MAPRE2: variants seen among roughly 807,000 people sequenced by gnomAD.
The protein encoded by MAPRE2 is microtubule associated protein RP/EB family member 2.
A neutral mutation model predicts 43.2 loss-of-function variants in MAPRE2; 13 were observed. The ratio of observed to expected loss-of-function variants is 0.30; its 90% confidence interval spans 0.20 to 0.48. The LOEUF (loss-of-function observed/expected upper bound fraction) is 0.48. Ranked by LOEUF, MAPRE2 falls within the 20% of genes least tolerant of loss-of-function variation. The pLI, the probability that MAPRE2 is intolerant of heterozygous loss-of-function variation, is 0.99. For missense variants in MAPRE2, 161 were observed against 400.2 expected, an observed-to-expected ratio of 0.40 and a Z score of 5.10; for synonymous variants, 135 against 148.8, an observed-to-expected ratio of 0.91 and a Z score of 0.68.
chr18:34,980,598 A>C (rs988655266), intron 1 of MAPRE2, among the ~76,000 whole-genome samples: 1 of 152,220 alleles, frequency 6.6e-6, no homozygotes, highest in Non-Finnish European at 1.5e-5. Flanking sequence ...GCTGTTTTCC[A>C]AGACAGACAT....
intron 1 of MAPRE2, among the ~76,000 whole-genome samples, chr18:35,056,113 A>G (rs1017554451): frequency 1.3e-5 from 2 of 152,184 alleles, no homozygotes; most frequent in African/African-American, 4.8e-5. Context: ...TTTTGAATAA[A>G]CAGTAGCACT....
chr18:35,116,218 C>T (rs568972013), intron 4 of MAPRE2, among the ~76,000 whole-genome samples: 3 of 152,246 alleles, frequency 2.0e-5, no homozygotes, highest in East Asian at 1.9e-4. Context: ...GTTAGCCAAA[C>T]GGAGGTGTAT....
Position 35,142,864 on chromosome 18 carries a change from C to G in MAPRE2, c.*2495C>G, listed in dbSNP as rs1910720516. ...TCAGGGAACAGTTTCCTTAGCGGCC[C>G]CTGGTCACATGTCATCGGGCTGGGC... On this transcript the variant is annotated 3_prime_UTR_variant, in exon 7 of 7. Coordinates refer to ENST00000300249, the MANE Select transcript of MAPRE2 (RefSeq NM_014268.4). The G allele has an allele frequency of 6.6e-6, 1 of 151,932 alleles. No homozygotes were observed. Among genetic ancestry groups the G allele is most frequent in the Non-Finnish European group, 1.5e-5 (1 of 68,016 alleles). The allele number at this position is 151,932 out of a possible 1,614,324, so 9.4% of individuals were successfully genotyped here. A position where few individuals can be genotyped will look rare whatever the true frequency, so the allele number is the denominator to read the frequency against.
At chr18:34,985,495 TTATATAA>T (rs1245423842) in intron 1 of MAPRE2, among the ~76,000 whole-genome samples, 4 of 43,398 alleles carry the variant, frequency 9.2e-5, no homozygotes, top group Admixed American at 4.4e-4. Flanking sequence ...ATATTGTATA[TTATATAA>T]TATATAATAT....
Position 35,007,749 on chromosome 18 carries a change from A to T in MAPRE2, c.-8+2196A>T, listed in dbSNP as rs111231060. Among the ~76,000 whole-genome samples the T allele has an allele frequency of 4.7e-3, 722 of 152,276 alleles. 3 individuals carry two copies. Among genetic ancestry groups the T allele is most frequent in the Admixed American group, 0.013 (202 of 15,296 alleles). The stretch of plus-strand genomic sequence containing the variant: ...TTCTGGGTTGCACCCTCCTTTATTT[A>T]ACCCTTTCAGGAACTAGTACAGTTG... On this transcript the variant is annotated intron_variant, in intron 2 of 7. Transcript: ENST00000413393.
At chr18:35,003,936 T>C (rs1220723477) in intron 1 of MAPRE2, among the ~76,000 whole-genome samples, 1 of 152,226 alleles carries the variant, frequency 6.6e-6, no homozygotes, top group Non-Finnish European at 1.5e-5. Flanking sequence ...TTATTGTATC[T>C]GAAGGAAAAA....
chr18:35,034,399 A>G (rs1432979454), intron 2 of MAPRE2, among the ~76,000 whole-genome samples: 27 of 152,238 alleles, frequency 1.8e-4, no homozygotes, highest in East Asian at 9.6e-4. Flanking sequence ...GTTAGAAACC[A>G]TAAAAACCCT....
At chr18:35,084,085 A>G (rs1171668445) in intron 2 of MAPRE2, among the ~76,000 whole-genome samples, 2 of 152,128 alleles carry the variant, frequency 1.3e-5, no homozygotes, top group Non-Finnish European at 2.9e-5. Context: ...ACATTACATT[A>G]CTTTTTGGTG....
intron 2 of MAPRE2, among the ~76,000 whole-genome samples, chr18:35,075,918 T>A (rs1404973493): frequency 6.7e-6 from 1 of 150,154 alleles, no homozygotes; most frequent in African/African-American, 2.5e-5. Context: ...TTTTTTTCCC[T>A]CCAAATTTGT....
intron 4 of MAPRE2, among the ~76,000 whole-genome samples, chr18:35,116,921 A>G (rs1290863438): frequency 6.6e-6 from 1 of 152,150 alleles, no homozygotes; most frequent in African/African-American, 2.4e-5. Context: ...CCGAGGTTAC[A>G]CTTTATAGTA....
intron 2 of MAPRE2, among the ~76,000 whole-genome samples, chr18:35,084,457 A>G (rs1353347812): frequency 1.3e-5 from 2 of 152,228 alleles, no homozygotes; most frequent in Non-Finnish European, 2.9e-5. Flanking sequence ...TTATCAGATA[A>G]AAGACCAATC....
intron 3 of MAPRE2, among the ~76,000 whole-genome samples, chr18:35,100,780 C>T (rs1003149595): frequency 1.3e-5 from 2 of 152,172 alleles, no homozygotes; most frequent in Non-Finnish European, 2.9e-5. Flanking sequence ...GTGGCTCACA[C>T]CTGTAATCCC....
rs574663268 is a variant in MAPRE2, at chr18:35,122,951, A to C, written c.611-3997A>C. 1.5e-3 allele frequency among the ~76,000 whole-genome samples: 230 copies of C among 152,384 alleles called. 3 individuals carry two copies. The highest frequency in any genetic ancestry group is 4.8e-3 in the African/African-American group (201 of 41,600). On this transcript the variant is annotated intron_variant, in intron 4 of 6. Coordinates refer to ENST00000300249, the MANE Select transcript of MAPRE2 (RefSeq NM_014268.4). ...TTTCCTCAGGGGAAGAAAACAAAACAAAACCTGTTTCCCCAAGTGGCTGTG... is the reference window on the plus strand; with the variant it reads ...TTTCCTCAGGGGAAGAAAACAAAACCAAACCTGTTTCCCCAAGTGGCTGTG...
chr18:35,097,888 C>T (rs1908499198), intron 3 of MAPRE2, among the ~76,000 whole-genome samples: 1 of 152,100 alleles, frequency 6.6e-6, no homozygotes, highest in Non-Finnish European at 1.5e-5. Context: ...TGCCAGATGC[C>T]ACTGTGGTTC....
chr18:35,052,484 G>A (rs1905995030), intron 1 of MAPRE2, among the ~76,000 whole-genome samples: 1 of 152,108 alleles, frequency 6.6e-6, no homozygotes, highest in Admixed American at 6.5e-5. Context: ...GAACATTTAT[G>A]TTTCCAGTTT....
chr18:35,006,830 G>A (rs1226311422), intron 2 of MAPRE2, among the ~76,000 whole-genome samples: 1 of 152,172 alleles, frequency 6.6e-6, no homozygotes, highest in East Asian at 1.9e-4. Flanking sequence ...GGGCATTGTG[G>A]TGCATACCTG....
chr18:35,051,011 T>TA (rs1267987196), intron 1 of MAPRE2, among the ~76,000 whole-genome samples: 4 of 152,170 alleles, frequency 2.6e-5, no homozygotes, highest in Admixed American at 2.6e-4. Flanking sequence ...TTGTGGAACT[T>TA]ACGAGCTGAA....
rs180843217 is a variant in MAPRE2 at position 35,068,317 on chromosome 18, A to G, written c.123-1878A>G. Among the ~76,000 whole-genome samples the G allele has an allele frequency of 4.6e-5, 7 of 152,300 alleles. No individual in the cohort carries two copies. In the East Asian group the frequency reaches 7.7e-4, roughly 17 times the overall value. ...AGCGCTTGGAGAAATTACTGGTTTT[A>G]GGTCTGAGGCAAGAAATATACAAGT... On this transcript the variant is annotated intron_variant, in intron 1 of 6. Transcript: ENST00000300249.
At chr18:35,072,780 C>A (rs1301057406) in intron 2 of MAPRE2, among the ~76,000 whole-genome samples, 1 of 151,884 alleles carries the variant, frequency 6.6e-6, no homozygotes, top group African/African-American at 2.4e-5. Context: ...TTTAAAAACA[C>A]AAAAAAACCT....
Sources: gnomAD v4.1 joint callset for allele counts (sites outside exome capture counted in the v4.1 genomes callset) on GRCh38, gnomAD v4.1.1 for gene constraint, MANE v1.5 for transcripts, NCBI Gene and HGNC (gene_info 2026-07-23, HGNC 2026-07-21) for gene names.